Variants in FAT3 observed in about 807,000 individuals in gnomAD.
The protein encoded by FAT3 is protocadherin Fat 3.
FAT3 carries 95 observed loss-of-function variants against 310.2 expected under a neutral mutation model. The ratio of observed to expected loss-of-function variants is 0.31; its 90% CI spans 0.26 to 0.36. The LOEUF (loss-of-function observed/expected upper bound fraction) is 0.36, where lower values mean the gene tolerates loss of function less well. FAT3 is among the 10% of genes least tolerant of loss of function. The pLI is 1.00. For synonymous variants in FAT3, 2,314 were observed against 2,192.9 expected, an observed-to-expected ratio of 1.06 and a Z score of -1.54; for missense variants, 5,408 against 5,715.6, an observed-to-expected ratio of 0.95 and a Z score of 1.74.
chr11:92,655,757 C>A (rs997761002), intron 3 of FAT3, among the ~76,000 whole-genome samples: 1 of 152,072 alleles, frequency 6.6e-6, no homozygotes, highest in Admixed American at 6.6e-5. Context: ...ATTCAACGTT[C>A]CTTTATTGCC....
intron 21 of FAT3, 75 bp from the exon 22 acceptor site, chr11:92,866,666 G>A (rs1411967382): frequency 5.2e-6 from 7 of 1,355,594 alleles, no homozygotes; most frequent in South Asian, 2.9e-5. Flanking sequence ...CCCCCGGGCC[G>A]GCCAGGAGCA....
intron 2 of FAT3, among the ~76,000 whole-genome samples, chr11:92,433,980 C>A (rs981471220): frequency 2.3e-4 from 35 of 149,696 alleles, no homozygotes; most frequent in African/African-American, 8.6e-4. Context: ...TGCGCCACTG[C>A]ACTCCTGCCT....
intron 2 of FAT3, among the ~76,000 whole-genome samples, chr11:92,433,996 A>G (rs1460467560): frequency 2.1e-5 from 3 of 143,732 alleles, no homozygotes; most frequent in Non-Finnish European, 3.1e-5. Flanking sequence ...TGCCTGGGCG[A>G]CAGAGGGAGA....
At chr11:92,608,911 G>T (rs1219584862) in intron 3 of FAT3, among the ~76,000 whole-genome samples, 23 of 152,062 alleles carry the variant, frequency 1.5e-4, no homozygotes, top group Admixed American at 1.5e-3. Flanking sequence ...CTGGTGCCAT[G>T]CCCAGGCTTC....
At chr11:92,675,317 G>A (rs902963732) in intron 3 of FAT3, among the ~76,000 whole-genome samples, 10 of 152,180 alleles carry the variant, frequency 6.6e-5, no homozygotes, top group Non-Finnish European at 1.0e-4. Flanking sequence ...TCTGTTCTTT[G>A]CAACTATATA....
intron 2 of FAT3, among the ~76,000 whole-genome samples, chr11:92,442,997 A>G (rs1314866948): frequency 6.6e-6 from 1 of 152,192 alleles, no homozygotes; most frequent in African/African-American, 2.4e-5. Flanking sequence ...ACGATAAGCA[A>G]ACACAAGGGG....
intron 2 of FAT3, among the ~76,000 whole-genome samples, chr11:92,433,330 A>T (rs1191769304): frequency 6.6e-6 from 1 of 152,182 alleles, no homozygotes; most frequent in Non-Finnish European, 1.5e-5. Context: ...ATGGCCGCCC[A>T]GCTTTGTCTT....
chr11:92,430,062 G>T (rs749886893), intron 2 of FAT3, among the ~76,000 whole-genome samples: 1 of 152,124 alleles, frequency 6.6e-6, no homozygotes, highest in Non-Finnish European at 1.5e-5. Context: ...TTTCATGGAG[G>T]TTTTGTTCAT....
chr11:92,557,883 T>C, intron 3 of FAT3, among the ~76,000 whole-genome samples: 1 of 152,224 alleles, frequency 6.6e-6, no homozygotes, highest in Admixed American at 6.5e-5. Context: ...TCCTGAGGGC[T>C]AACTTATTTG....
intron 2 of FAT3, among the ~76,000 whole-genome samples, chr11:92,377,781 G>A (rs1949385353): frequency 1.3e-5 from 2 of 152,204 alleles, no homozygotes; most frequent in South Asian, 4.2e-4. Context: ...ATTTTTGGAA[G>A]GAAAGGAAAA....
chr11:92,719,890 C>T (rs968295826), intron 4 of FAT3, among the ~76,000 whole-genome samples: 7 of 152,134 alleles, frequency 4.6e-5, no homozygotes, highest in Non-Finnish European at 1.0e-4. Context: ...TGCCCTTCCC[C>T]TGTTTGGGGA....
chr11:92,586,285 G>C (rs1475795958), intron 3 of FAT3, among the ~76,000 whole-genome samples: 7 of 151,928 alleles, frequency 4.6e-5, no homozygotes, highest in Non-Finnish European at 4.4e-5. Flanking sequence ...AGAAGTCCTG[G>C]GAGGAGTGGC....
intron 1 of FAT3, among the ~76,000 whole-genome samples, chr11:92,238,556 G>A (rs1372922457): frequency 6.6e-6 from 1 of 152,034 alleles, no homozygotes; most frequent in Non-Finnish European, 1.5e-5. Flanking sequence ...GCCTGGGGCT[G>A]TTACAGATGG....
At chr11:92,680,660 A>G (rs1943456352) in intron 3 of FAT3, among the ~76,000 whole-genome samples, 3 of 152,222 alleles carry the variant, frequency 2.0e-5, no homozygotes, top group Non-Finnish European at 4.4e-5. Context: ...TAATAACTAT[A>G]TAAGGGAAGG....
chr11:92,599,873 C>T (rs554814821), intron 3 of FAT3, among the ~76,000 whole-genome samples: 1 of 152,230 alleles, frequency 6.6e-6, no homozygotes, highest in African/African-American at 2.4e-5. Flanking sequence ...ATAATACTCC[C>T]TATGCCTTTT....
chr11:92,667,891 T>C (rs1826729005), intron 3 of FAT3, among the ~76,000 whole-genome samples: 1 of 152,226 alleles, frequency 6.6e-6, no homozygotes, highest in African/African-American at 2.4e-5. Flanking sequence ...AAGTGGATCA[T>C]GTGCATCTTT....
chr11:92,805,440 C>G (rs374228518), intron 11 of FAT3, 91 bp downstream of exon 11: 2 of 1,374,660 alleles, frequency 1.5e-6, no homozygotes, highest in Non-Finnish European at 9.8e-7. Context: ...GCCAGGCAAA[C>G]TTCTGCTCTT....
At chr11:92,320,882 G>GC (rs1565224509) in intron 1 of FAT3, among the ~76,000 whole-genome samples, 1 of 116,974 alleles carries the variant, frequency 8.5e-6, no homozygotes, top group African/African-American at 3.0e-5. Flanking sequence ...AAAAAAAAAG[G>GC]GGGGGGTACT....
rs761513212 is a variant in FAT3, at chr11:92,800,451, G to A, written c.7438G>A (p.Ala2480Thr). ...SVSDGLFTST[A>T]QVHIRVLGAN... is the part of the protein sequence containing the mutation. Reference sequence around the variant, plus strand: ...CTCTGATGGGTTGTTCACCAGCACTGCACAGGTGCATATTAGGGTACTTGG... The same window carrying A: ...CTCTGATGGGTTGTTCACCAGCACTACACAGGTGCATATTAGGGTACTTGG... The change falls in exon 10 of 28, where the codon GCA (alanine) becomes ACA (threonine). Residue 2480 changes from alanine to threonine, a missense_variant. Around this residue, in one of 5 missense-constraint regions of FAT3, gnomAD observed 4,588 missense variants for 4,809.8 expected, o/e 0.95. Transcript: ENST00000525166. 25 of 1,613,986 alleles carry A rather than the reference G, an allele frequency of 1.5e-5. No individual in the cohort carries two copies. In the South Asian group the frequency reaches 2.7e-4, roughly 18 times the overall value.
Sources: gnomAD v4.1 joint callset for allele counts (sites outside exome capture counted in the v4.1 genomes callset) on GRCh38, gnomAD v4.1.1 for gene constraint, gnomAD v4.1.1 regional missense constraint, MANE v1.5 for transcripts, NCBI Gene and HGNC (gene_info 2026-07-23, HGNC 2026-07-21) for gene names.